The following ADAM19 variants were observed in gnomAD, a reference collection of about 807,000 sequenced individuals.
ADAM19 encodes the protein disintegrin and metalloproteinase domain-containing protein 19.
ADAM19 carries 65 observed loss-of-function variants against 114.7 expected under a neutral mutation model. That is an observed-to-expected ratio of 0.57 (90% confidence interval 0.46 to 0.70). The LOEUF is 0.70. Among genes scored for constraint, ADAM19 ranks in the 30% least tolerant of loss-of-function variants. The pLI, the probability that ADAM19 is intolerant of heterozygous loss-of-function variation, is 0.00. For missense variants in ADAM19, 1,063 were observed against 1,204.7 expected (o/e 0.88, Z 1.74); for synonymous variants, 466 against 460.5 (o/e 1.01, Z -0.15).
chr5:157,548,468 G>C (rs1757106235), intron 3 of ADAM19, among the ~76,000 whole-genome samples: 1 of 152,182 alleles, frequency 6.6e-6, no homozygotes, highest in Admixed American at 6.5e-5. Flanking sequence ...TCAATGAGTA[G>C]TCCAGAACTC....
In ADAM19 at chr5:157,507,115, T is replaced by C. The variant is rs753403056; in HGVS notation, c.931A>G (p.Ile311Val). The change falls in exon 10 of 23, where the codon ATC becomes GTC. Residue 311 changes from isoleucine to valine, a missense_variant. Physicochemically the swap from Ile to Val is conservative, Grantham distance 29. Coordinates refer to ENST00000257527, the MANE Select transcript of ADAM19 (RefSeq NM_033274.5). ...ATGGCCATGAGGGGGGCCAGGCCGA[T>C]GGTGGTGCCGTGGAAGGACATGCCC... ...ITGMSFHGTT[I>V]GLAPLMAMCS... 2 of 1,614,050 alleles carry C rather than the reference T, an allele frequency of 1.2e-6. No homozygotes were observed. Among genetic ancestry groups the C allele is most frequent in the East Asian group, 4.5e-5 (2 of 44,880 alleles).
intron 13 of ADAM19, among the ~76,000 whole-genome samples, chr5:157,497,864 A>C (rs1186119143): frequency 6.6e-6 from 1 of 152,238 alleles, no homozygotes. Flanking sequence ...TTACAGATAA[A>C]GAACCTAGGC....
At position 157,575,766 on chromosome 5, in the gene ADAM19, A is replaced by C. The variant is rs1757957432; in HGVS notation, c.-70T>G. On this transcript the variant is annotated 5_prime_UTR_variant, in exon 1 of 23. Transcript: ENST00000257527. ...ATACCTGCCCACTGCCCGGCGGTGG[A>C]GGCGCGTCTGGAACCCCCCGGCTCG... 3 of 1,158,080 alleles carry C rather than the reference A, an allele frequency of 2.6e-6. No homozygotes were observed. Among genetic ancestry groups the C allele is most frequent in the African/African-American group, 3.2e-5 (2 of 62,450 alleles). The allele number at this position is 1,158,080 out of a possible 1,614,324, so 71.7% of individuals were successfully genotyped here.
chr5:157,494,289 ATGGG>A (rs1418403712), intron 15 of ADAM19, among the ~76,000 whole-genome samples: 1 of 152,034 alleles, frequency 6.6e-6, no homozygotes, highest in Non-Finnish European at 1.5e-5. Flanking sequence ...GGATGGATGG[ATGGG>A]TAGACAGATG....
intron 3 of ADAM19, among the ~76,000 whole-genome samples, chr5:157,538,692 T>A (rs371455326): frequency 4.2e-4 from 64 of 152,348 alleles, no homozygotes; most frequent in African/African-American, 1.5e-3. Context: ...ACTTGGACAT[T>A]GGTTTCTCTC....
intron 11 of ADAM19, among the ~76,000 whole-genome samples, 153 bp from the exon 12 acceptor site, chr5:157,503,133 A>G (rs1046140076): frequency 5.3e-5 from 8 of 152,212 alleles, no homozygotes; most frequent in Admixed American, 4.6e-4. Flanking sequence ...GGCCCCTTAG[A>G]ACATTTACCA....
In ADAM19 at chr5:157,483,854, G is replaced by A. The variant is rs142139030; in HGVS notation, c.2551-1911C>T. 2.7e-3 allele frequency among the ~76,000 whole-genome samples: 414 copies of A among 151,984 alleles called. 3 individuals are homozygous for A. Among genetic ancestry groups the A allele is most frequent in the African/African-American group, 9.6e-3 (399 of 41,442 alleles). On this transcript the variant is annotated intron_variant, in intron 21 of 22. Transcript: ENST00000257527. ...TCGCCATGTTGGTCAGGCCAATCTC[G>A]AACTCTGACCTCAGGTGATCTGCCT...
At chr5:157,501,217 G>A (rs1012182375) in intron 12 of ADAM19, among the ~76,000 whole-genome samples, 15 of 151,958 alleles carry the variant, frequency 9.9e-5, no homozygotes, top group African/African-American at 3.4e-4. Flanking sequence ...TTCTTCCCAC[G>A]AAGGCACAGG....
chr5:157,519,985 G>A lies in ADAM19; in HGVS notation c.454C>T (p.Leu152Phe). Residue 152 changes from leucine (L) to phenylalanine (F), a missense_variant, in exon 6 of 23, where the codon CTC becomes TTC. Physicochemically the swap from Leu to Phe is conservative, Grantham distance 22. This residue lies in a region of ADAM19 where 615 missense variants were observed against 706.3 expected (regional missense o/e 0.87). Coordinates refer to ENST00000257527, the MANE Select transcript of ADAM19 (RefSeq NM_033274.5). ...SSNLSYVIEP[L>F]PDSKGQHLIY... ...AGGTGTTGGCCCTTGCTGTCAGGGA[G>A]GGGCTCGATGACGTAGCTGAGGTTG... The A allele has an allele frequency of 6.2e-7, 1 of 1,614,194 alleles. No individual in the cohort carries two copies.
In ADAM19 at chr5:157,537,901, A is replaced by G; in HGVS notation, c.330+12T>C. On this transcript the variant is annotated intron_variant, in intron 4 of 22. Transcript: ENST00000257527. ...ACAGCTGCTGGATAGACATTTGTTG[A>G]CCTGAACTCACCTCCAATTTCCGTG... 6.2e-7 allele frequency: 1 copy of G among 1,610,552 alleles called. No homozygotes were observed. Among genetic ancestry groups the G allele is most frequent in the Admixed American group, 1.7e-5 (1 of 59,998 alleles).
chr5:157,517,858 G>A (rs1756137696), intron 7 of ADAM19, among the ~76,000 whole-genome samples: 1 of 152,216 alleles, frequency 6.6e-6, no homozygotes, highest in African/African-American at 2.4e-5. Context: ...CTTTAGGTCA[G>A]TGGTTCTCAA....
intron 3 of ADAM19, among the ~76,000 whole-genome samples, chr5:157,561,445 A>G (rs1757506067): frequency 1.3e-5 from 2 of 152,290 alleles, no homozygotes; most frequent in South Asian, 2.1e-4. Flanking sequence ...GATGAAAAAG[A>G]AATTTAAAAT....
At chr5:157,572,088 GT>G (rs367592665) in intron 1 of ADAM19, among the ~76,000 whole-genome samples, 12 of 149,738 alleles carry the variant, frequency 8.0e-5, no homozygotes, top group African/African-American at 1.5e-4. Flanking sequence ...TAGGAGTCCT[GT>G]TTTTTTTTTC....
intron 3 of ADAM19, among the ~76,000 whole-genome samples, chr5:157,551,524 G>A (rs1313747887): frequency 6.6e-6 from 1 of 151,420 alleles, no homozygotes; most frequent in Non-Finnish European, 1.5e-5. Context: ...AATTTCTTGA[G>A]CAATACCCCA....
At chr5:157,530,771 G>C in intron 5 of ADAM19, 36 bp downstream of exon 5, 1 of 1,570,240 alleles carries the variant, frequency 6.4e-7, no homozygotes, top group Non-Finnish European at 8.8e-7. Context: ...CCTGGGGAGA[G>C]TGCCCGGTGC....
chr5:157,494,303 G>A (rs1024708471), intron 15 of ADAM19, among the ~76,000 whole-genome samples: 3 of 152,016 alleles, frequency 2.0e-5, no homozygotes, highest in Admixed American at 2.0e-4. Context: ...GTAGACAGAT[G>A]AGTGGATGGT....
In ADAM19 at chr5:157,483,944, C is replaced by CTT. The variant is rs397771063; in HGVS notation, c.2551-2003_2551-2002dup. On this transcript the variant is annotated intron_variant, in intron 21 of 22. Transcript: ENST00000257527. ...CACCACGCCCAGCCCTTGAACATTC[C>CTT]TTTTTTTTTTTTTTTAACAAGAGCA... is the stretch of plus-strand genomic sequence containing the variant. Among the ~76,000 whole-genome samples, 261 of 143,774 alleles carry CTT rather than the reference C, an allele frequency of 1.8e-3. 3 individuals carry two copies. In the East Asian group the frequency reaches 0.032, roughly 18 times the overall value. The allele number at this position is 143,774 out of a possible 152,430, so 94.3% of individuals were successfully genotyped here.
intron 21 of ADAM19, among the ~76,000 whole-genome samples, chr5:157,484,190 C>A (rs1247429655): frequency 6.6e-6 from 1 of 152,030 alleles, no homozygotes. Context: ...CCTTTTTATC[C>A]TAATATACCT....
At chr5:157,510,052 G>A (rs1197675679) in intron 8 of ADAM19, among the ~76,000 whole-genome samples, 1 of 152,094 alleles carries the variant, frequency 6.6e-6, no homozygotes, top group African/African-American at 2.4e-5. Context: ...TCTTTCTTAT[G>A]GGTATCTAAA....
Sources: gnomAD v4.1 joint callset for allele counts (sites outside exome capture counted in the v4.1 genomes callset) on GRCh38, gnomAD v4.1.1 for gene constraint, gnomAD v4.1.1 regional missense constraint, MANE v1.5 for transcripts, NCBI Gene and HGNC (gene_info 2026-07-23, HGNC 2026-07-21) for gene names.